Variants in PARP9 observed in about 807,000 individuals in gnomAD.
PARP9 encodes poly(ADP-ribose) polymerase family member 9.
PARP9 carries 48 observed loss-of-function variants against 68.8 expected under a neutral mutation model. The ratio of observed to expected loss-of-function variants is 0.70; its 90% CI spans 0.55 to 0.89. The LOEUF (loss-of-function observed/expected upper bound fraction) is 0.89, where lower values mean the gene tolerates loss of function less well. PARP9 is among the 40% of genes least tolerant of loss of function. The pLI, the probability that PARP9 is intolerant of heterozygous loss-of-function variation, is 0.00. For synonymous variants in PARP9, 309 were observed against 333.8 expected, an observed-to-expected ratio of 0.93 and a Z score of 0.81; for missense variants, 806 against 969.3, an observed-to-expected ratio of 0.83 and a Z score of 2.24.
chr3:122,562,485 G>A (rs938946684), intron 1 of PARP9, among the ~76,000 whole-genome samples: 52 of 151,998 alleles, frequency 3.4e-4, no homozygotes, highest in Admixed American at 9.2e-4. Context: ...GAGCCACCGC[G>A]CCCAGCCATC....
chr3:122,538,401 T>G (rs2077817553), intron 8 of PARP9, among the ~76,000 whole-genome samples: 1 of 152,102 alleles, frequency 6.6e-6, no homozygotes, highest in South Asian at 2.1e-4. Context: ...AAAATAAAAT[T>G]ATTGTTCTGA....
chr3:122,528,752 G>A lies in PARP9; in HGVS notation c.2081-9C>T. The stretch of plus-strand genomic sequence containing the variant: ...AGCTCCGTATTTTGGATCTGATAAA[G>A]GAAAAAATAAAATAAAAAGATTATT... On this transcript the variant is annotated splice_polypyrimidine_tract_variant and intron_variant, in intron 10 of 10. Coordinates refer to ENST00000682323, the MANE Select transcript of PARP9 (RefSeq NM_001146105.2). 6 of 1,552,154 alleles carry A rather than the reference G, an allele frequency of 3.9e-6. No homozygotes were observed. The highest frequency in any genetic ancestry group is 1.4e-5 in the African/African-American group (1 of 72,120).
At chr3:122,539,715 C>A (rs952904096) in intron 8 of PARP9, among the ~76,000 whole-genome samples, 1 of 152,030 alleles carries the variant, frequency 6.6e-6, no homozygotes, top group Non-Finnish European at 1.5e-5. Flanking sequence ...CATGGGCCAC[C>A]ATGCCTGGCT....
chr3:122,533,698 A>C, intron 10 of PARP9: 1 of 985,490 alleles, frequency 1.0e-6, no homozygotes, highest in Non-Finnish European at 1.2e-6. Context: ...GAATCAACCC[A>C]GTAAGAAACT....
chr3:122,564,623 G>C (rs747585059), upstream of PARP9: 8 of 1,578,614 alleles, frequency 5.1e-6, no homozygotes, highest in East Asian at 9.5e-5. Flanking sequence ...GGTGAGCTTC[G>C]GGCGGCCAGG....
rs2077077087 is a variant in PARP9, at chr3:122,528,423, T to C, written c.2401A>G (p.Met801Val). The C allele has an allele frequency of 3.1e-6, 5 of 1,614,252 alleles. No homozygotes were observed. Among genetic ancestry groups the C allele is most frequent in the Non-Finnish European group, 3.4e-6 (4 of 1,180,040 alleles). Residue 801 changes from methionine (M) to valine (V), a missense_variant, in exon 11 of 11, where the codon ATG (methionine) becomes GTG (valine). Coordinates refer to ENST00000682323, the MANE Select transcript of PARP9 (RefSeq NM_001146105.2). The stretch of plus-strand genomic sequence containing the variant: ...CAAGGATGCTGTGCAAAGGGTCTCA[T>C]TGGTCCTGATGAGTAATCTTGTGAC... ...VQSQDYSSGP[M>V]RPFAQHPWRG...
At chr3:122,564,417 G>C, upstream of PARP9, 1 of 1,604,354 alleles carries the variant, frequency 6.2e-7, no homozygotes, top group Non-Finnish European at 8.5e-7. Context: ...CCCTCCCGAC[G>C]CGCAGAGCCA....
rs1228725576 is a variant in PARP9, at chr3:122,528,314, G to A, written c.*50C>T. 5.7e-6 allele frequency: 9 copies of A among 1,569,684 alleles called. No homozygotes were observed. The highest frequency in any genetic ancestry group is 7.8e-6 in the Non-Finnish European group (9 of 1,157,222). On this transcript the variant is annotated 3_prime_UTR_variant, in exon 11 of 11. Coordinates refer to ENST00000682323, the MANE Select transcript of PARP9 (RefSeq NM_001146105.2). ...TTGAGCCATCGATGGTCATTATTTG[G>A]TTAGTTCACCCAAGGTAAGGCCATA...
intron 10 of PARP9, among the ~76,000 whole-genome samples, chr3:122,529,054 T>C (rs1181582210): frequency 2.0e-5 from 3 of 151,624 alleles, no homozygotes; most frequent in Non-Finnish European, 4.4e-5. Context: ...CTGGCCAACA[T>C]GATGATACCC....
At chr3:122,545,544 A>G in intron 6 of PARP9, 55 bp from the exon 7 acceptor site, 1 of 1,546,294 alleles carries the variant, frequency 6.5e-7, no homozygotes, top group Non-Finnish European at 8.9e-7. Context: ...AGCCATTGTC[A>G]TCAAAGTCTC....
chr3:122,532,810 A>T (rs568712503), intron 10 of PARP9: 3 of 152,260 alleles, frequency 2.0e-5, no homozygotes, highest in Non-Finnish European at 2.9e-5. Flanking sequence ...GAGGGAAGTC[A>T]TTCCACAGAC....
At chr3:122,542,832 C>T (rs935056177) in intron 7 of PARP9, among the ~76,000 whole-genome samples, 1 of 152,112 alleles carries the variant, frequency 6.6e-6, no homozygotes, top group Non-Finnish European at 1.5e-5. Flanking sequence ...CACTATTCTT[C>T]TAGATAAGTA....
chr3:122,544,498 G>A (rs2078533294), intron 7 of PARP9, among the ~76,000 whole-genome samples: 1 of 152,062 alleles, frequency 6.6e-6, no homozygotes, highest in African/African-American at 2.4e-5. Context: ...GCACTGCCAG[G>A]CCACTGAACA....
At position 122,534,807 on chromosome 3, in the gene PARP9, C is replaced by T. The variant is rs187805716; in HGVS notation, c.2080+1361G>A. 7.5e-4 allele frequency: 404 copies of T among 541,628 alleles called. 2 individuals carry two copies. The highest frequency in any genetic ancestry group is 1.8e-3 in the Middle Eastern group (2 of 1,096). 33.6% of individuals were successfully genotyped at this position (541,628 alleles called of 1,614,324 possible). A position where few individuals can be genotyped will look rare whatever the true frequency, so the allele number is the denominator to read the frequency against. ...AGGAGAACTGTTTGAATCTCGGAGG[C>T]GGAGGTTGCAGTGAGCCAAGATGGT... is the stretch of plus-strand genomic sequence containing the variant. On this transcript the variant is annotated intron_variant, in intron 10 of 10. Coordinates refer to ENST00000682323, the MANE Select transcript of PARP9 (RefSeq NM_001146105.2).
intron 10 of PARP9, among the ~76,000 whole-genome samples, chr3:122,530,132 G>A (rs181545637): frequency 4.4e-4 from 63 of 144,326 alleles, no homozygotes; most frequent in Middle Eastern, 7.6e-3. Flanking sequence ...AGCTGTGATC[G>A]TGCCACTGCA....
At chr3:122,553,344 C>T (rs1009867456) in intron 4 of PARP9, among the ~76,000 whole-genome samples, 3 of 152,174 alleles carry the variant, frequency 2.0e-5, no homozygotes, top group South Asian at 2.1e-4. Flanking sequence ...GTCCTTCCTT[C>T]CCCCATGCCC....
intron 8 of PARP9, among the ~76,000 whole-genome samples, chr3:122,538,064 C>A (rs955154213): frequency 7.2e-5 from 11 of 152,088 alleles, no homozygotes; most frequent in African/African-American, 2.2e-4. Context: ...AAGCAGGTGA[C>A]GAATTGAGGG....
At chr3:122,544,132 C>T (rs1487591226) in intron 7 of PARP9, among the ~76,000 whole-genome samples, 2 of 152,174 alleles carry the variant, frequency 1.3e-5, no homozygotes, top group Admixed American at 1.3e-4. Context: ...GATTTCTTTG[C>T]TCCTGTGGGT....
In PARP9 at chr3:122,556,141, T is replaced by TA. The variant is rs745677021; in HGVS notation, c.50-21dup. 742 of 209,490 alleles carry TA rather than the reference T, an allele frequency of 3.5e-3. 45 individuals are homozygous for TA. The highest frequency in any genetic ancestry group is 0.011 in the African/African-American group (233 of 21,210). The allele number at this position is 209,490 out of a possible 1,614,324, so 13.0% of individuals were successfully genotyped here. On this transcript the variant is annotated intron_variant, in intron 3 of 10. Transcript: ENST00000682323. ...CAGTCTCTGGAAAAGAAGAGAAGAT[T>TA]AAAAAAAAAAAAAAAAAAAAAAAAA...
Sources: allele counts gnomAD v4.1 joint callset (sites outside exome capture counted in the v4.1 genomes callset), GRCh38; gene constraint gnomAD v4.1.1; transcripts MANE v1.5; gene names NCBI Gene and HGNC (gene_info 2026-07-23, HGNC 2026-07-21).